The following RXRA variants were observed in gnomAD, a reference collection of about 807,000 sequenced individuals.
The protein encoded by RXRA is retinoic acid receptor RXR-alpha.
In RXRA, 5 loss-of-function variants were observed where a neutral mutation model predicts 44.5. That is an observed-to-expected ratio of 0.11 (90% CI 0.06 to 0.24). The LOEUF (loss-of-function observed/expected upper bound fraction) is 0.24. RXRA is among the 10% of genes least tolerant of loss of function. The pLI, the probability that RXRA is intolerant of heterozygous loss-of-function variation, is 1.00. For missense variants in RXRA, 412 were observed against 646.5 expected, an observed-to-expected ratio of 0.64 and a Z score of 3.93; for synonymous variants, 291 against 271.4, an observed-to-expected ratio of 1.07 and a Z score of -0.71.
rs551503201 is a variant in RXRA, at chr9:134,409,454, G to A, written c.610+335G>A. Among the ~76,000 whole-genome samples the A allele has an allele frequency of 1.2e-4, 18 of 152,374 alleles. No individual in the cohort carries two copies. In the South Asian group the frequency reaches 2.1e-3, roughly 18 times the overall value. On this transcript the variant is annotated intron_variant, in intron 4 of 9. Transcript: ENST00000481739. ...GGATGCCAGGGGTGGTCCCGGGCCA[G>A]CTTCCTCCCGAGGCCAACTCTGTGG...
At chr9:134,422,372 A>T (rs1283198489) in intron 6 of RXRA, 1 of 1,266,438 alleles carries the variant, frequency 7.9e-7, no homozygotes, top group Non-Finnish European at 1.0e-6. Flanking sequence ...CGCTACCGGG[A>T]CACTCCCCCC....
At chr9:134,430,128 C>G (rs920934668) in intron 7 of RXRA, among the ~76,000 whole-genome samples, 1 of 152,182 alleles carries the variant, frequency 6.6e-6, no homozygotes, top group Admixed American at 6.5e-5. Context: ...CCTCGTGATC[C>G]GCCCACCTCG....
intron 7 of RXRA, among the ~76,000 whole-genome samples, 160 bp from the exon 8 acceptor site, chr9:134,431,745 A>C (rs1021479780): frequency 1.2e-4 from 17 of 145,934 alleles, no homozygotes; most frequent in African/African-American, 4.7e-4. Context: ...GTTCCAGCCC[A>C]CTCCCTCTCG....
chr9:134,427,126 A>T (rs1373521566), intron 6 of RXRA: 2 of 984,548 alleles, frequency 2.0e-6, no homozygotes, highest in African/African-American at 3.5e-5. Context: ...TCTAGATTAG[A>T]CTTCTCCCAA....
chr9:134,423,999 G>A, intron 6 of RXRA: 1 of 985,488 alleles, frequency 1.0e-6, no homozygotes, highest in Non-Finnish European at 1.2e-6. Context: ...GGATGGCTGT[G>A]TCCGTCGCCA....
At chr9:134,430,126 TC>T (rs1437913622) in intron 7 of RXRA, among the ~76,000 whole-genome samples, 1 of 152,182 alleles carries the variant, frequency 6.6e-6, no homozygotes, top group Non-Finnish European at 1.5e-5. Context: ...GACCTCGTGA[TC>T]CGCCCACCTC....
At chr9:134,422,186 A>G (rs1831349374) in intron 6 of RXRA, 1 of 1,215,392 alleles carries the variant, frequency 8.2e-7, no homozygotes, top group Non-Finnish European at 1.0e-6. Context: ...CCTGGGACAC[A>G]CTTCCCCCTC....
At chr9:134,368,439 C>G (rs1398121049) in intron 1 of RXRA, among the ~76,000 whole-genome samples, 4 of 152,254 alleles carry the variant, frequency 2.6e-5, no homozygotes, top group Non-Finnish European at 5.9e-5. Context: ...GGAGATGCGC[C>G]CTCCAGGATG....
At chr9:134,422,607 G>A in intron 6 of RXRA, 1 of 868,830 alleles carries the variant, frequency 1.2e-6, no homozygotes, top group Non-Finnish European at 1.3e-6. Context: ...CCGCTCCCAG[G>A]ACGCTCCCCA....
intron 7 of RXRA, among the ~76,000 whole-genome samples, chr9:134,429,809 A>G (rs1386024840): frequency 6.6e-6 from 1 of 151,906 alleles, no homozygotes; most frequent in East Asian, 1.9e-4. Context: ...GTGTCCGTTC[A>G]TGTTGCCCTC....
chr9:134,427,479 G>A (rs1413332846), intron 6 of RXRA, among the ~76,000 whole-genome samples: 3 of 152,308 alleles, frequency 2.0e-5, no homozygotes, highest in East Asian at 1.9e-4. Context: ...ATGCTCCCAC[G>A]GTGATGGGGC....
intron 1 of RXRA, among the ~76,000 whole-genome samples, chr9:134,331,852 C>T (rs62576293): frequency 0.078 from 11,917 of 152,302 alleles, 553 homozygotes; most frequent in Middle Eastern, 0.13. Context: ...GGTGGGGGCT[C>T]TGCTGCCCCT....
intron 1 of RXRA, among the ~76,000 whole-genome samples, chr9:134,357,962 C>T (rs572663958): frequency 1.8e-4 from 27 of 152,270 alleles, no homozygotes; most frequent in Admixed American, 1.5e-3. Flanking sequence ...GGCAGCATCC[C>T]GCCTGGGGCC....
intron 1 of RXRA, among the ~76,000 whole-genome samples, chr9:134,377,016 C>T (rs1367067418): frequency 3.3e-5 from 5 of 152,206 alleles, no homozygotes; most frequent in African/African-American, 7.2e-5. Flanking sequence ...GTCCTTGACC[C>T]GTCAGCCGGG....
intron 1 of RXRA, among the ~76,000 whole-genome samples, chr9:134,396,369 C>G (rs1248100929): frequency 6.6e-6 from 1 of 152,146 alleles, no homozygotes; most frequent in Non-Finnish European, 1.5e-5. Context: ...GCCACGTCCT[C>G]ATCCCTGTCC....
rs112294516 is a variant in RXRA, at chr9:134,407,670, TG to T, written c.280-472del. ...TGTTGTGGGGTGTATGTGTGGTTCT[TG>T]GGGGGGTCCCCAGCCCTCCTCCGTC... is the stretch of plus-strand genomic sequence containing the variant. On this transcript the variant is annotated intron_variant, in intron 2 of 9. Coordinates refer to ENST00000481739, the MANE Select transcript of RXRA (RefSeq NM_002957.6). This position sits in a 1 kb window ranked among gnomAD's most constrained non-coding sequence, Gnocchi z 4.8. Among the ~76,000 whole-genome samples, 1 of 151,726 alleles carries T rather than the reference TG, an allele frequency of 6.6e-6. No individual in the cohort carries two copies. Among genetic ancestry groups the T allele is most frequent in the African/African-American group, 2.4e-5 (1 of 41,268 alleles).
At chr9:134,419,341 C>T (rs924473754) in intron 5 of RXRA, among the ~76,000 whole-genome samples, 8 of 152,204 alleles carry the variant, frequency 5.3e-5, no homozygotes, top group Admixed American at 1.3e-4. Context: ...CTGCTGTCTC[C>T]GCCACTGCCT....
chr9:134,327,000 C>A (rs1834925358), intron 1 of RXRA, among the ~76,000 whole-genome samples: 1 of 151,654 alleles, frequency 6.6e-6, no homozygotes, highest in Non-Finnish European at 1.5e-5. Context: ...CCGGCCGGAG[C>A]GGGAGGAGCA....
chr9:134,412,295 A>T (rs1473421507), intron 4 of RXRA, among the ~76,000 whole-genome samples: 2 of 152,218 alleles, frequency 1.3e-5, no homozygotes, highest in Non-Finnish European at 2.9e-5. Flanking sequence ...AGCTCCGCCC[A>T]CTGGCCTTGG....
Sources: allele counts gnomAD v4.1 joint callset (sites outside exome capture counted in the v4.1 genomes callset), GRCh38; gene constraint gnomAD v4.1.1; non-coding constraint Gnocchi (gnomAD v3.1); transcripts MANE v1.5; gene names NCBI Gene and HGNC (gene_info 2026-07-23, HGNC 2026-07-21).